Variants in ZC3H12B observed in about 807,000 individuals in gnomAD.
ZC3H12B encodes probable ribonuclease ZC3H12B.
Under a neutral mutation model 43.9 loss-of-function variants are expected in ZC3H12B, and 7 were observed. That is an observed-to-expected ratio of 0.16 (90% CI 0.09 to 0.30). The LOEUF is 0.30. ZC3H12B is among the 10% of genes least tolerant of loss of function. The probability of loss-of-function intolerance (pLI) is 1.00; values close to 1 mark genes in which losing one functional copy is unlikely to be tolerated. For missense variants in ZC3H12B, 475 were observed against 670.2 expected (o/e 0.71, Z 3.22); for synonymous variants, 222 against 241.7 (o/e 0.92, Z 0.76).
At chrX:65,376,048 G>A (rs2066341662) in intron 2 of ZC3H12B, among the ~76,000 whole-genome samples, 1 of 112,091 alleles carries the variant, frequency 8.9e-6, no homozygotes, top group Admixed American at 9.4e-5. Context: ...CGTGCCTTGG[G>A]CCAAAATGGA....
chrX:65,398,321 G>A (rs770069841), intron 2 of ZC3H12B, among the ~76,000 whole-genome samples: 425 of 111,859 alleles, frequency 3.8e-3, no homozygotes, highest in African/African-American at 0.013. Flanking sequence ...AAGCTATCCT[G>A]AGCAAAAAGA....
chrX:65,416,205 C>G (rs1207165212), intron 3 of ZC3H12B, among the ~76,000 whole-genome samples: 1 of 111,478 alleles, frequency 9.0e-6, no homozygotes, highest in East Asian at 2.8e-4. Context: ...GATTGAGACA[C>G]AGAAGATTAT....
At chrX:65,154,062 A>C in the ZC3H12B span, among the ~76,000 whole-genome samples, 4 of 110,474 alleles carry the variant, frequency 3.6e-5, no homozygotes, top group Admixed American at 3.9e-4. Context: ...GGGGAATATC[A>C]CACTCTGGGG....
At chrX:65,232,460 G>A in the ZC3H12B span, among the ~76,000 whole-genome samples, 1 of 111,724 alleles carries the variant, frequency 9.0e-6, no homozygotes, top group Non-Finnish European at 1.9e-5. Context: ...TGGAATTAAA[G>A]TGAAGGGTTT....
At chrX:65,193,887 A>T in the ZC3H12B span, among the ~76,000 whole-genome samples, 1 of 111,600 alleles carries the variant, frequency 9.0e-6, no homozygotes, top group South Asian at 3.8e-4. Context: ...TAATTGGCTC[A>T]TGGCTCCACA....
the ZC3H12B span, among the ~76,000 whole-genome samples, chrX:65,138,019 A>T: frequency 1.8e-5 from 2 of 111,523 alleles, no homozygotes; most frequent in South Asian, 7.5e-4. Context: ...TAGTAGAGAC[A>T]GAGTTTCACC....
the ZC3H12B span, among the ~76,000 whole-genome samples, chrX:65,238,404 T>C: frequency 8.9e-6 from 1 of 112,367 alleles, no homozygotes; most frequent in Non-Finnish European, 1.9e-5. Flanking sequence ...TGGTATTCTC[T>C]GATGGTTGTT....
At chrX:65,052,363 GTTA>G in the ZC3H12B span, among the ~76,000 whole-genome samples, 2 of 110,826 alleles carry the variant, frequency 1.8e-5, no homozygotes, top group South Asian at 3.8e-4. Flanking sequence ...GTACAATTAA[GTTA>G]TTATTGATTA....
chrX:65,267,738 AAC>A, the ZC3H12B span, among the ~76,000 whole-genome samples: 2 of 111,942 alleles, frequency 1.8e-5, no homozygotes, highest in African/African-American at 6.5e-5. Flanking sequence ...TGACAGTGGA[AAC>A]ACAACATATC....
chrX:65,489,128 A>T, exon 1 of ZC3H12B: 1 of 1,211,923 alleles, frequency 8.3e-7, no homozygotes, highest in Non-Finnish European at 1.1e-6. Flanking sequence ...AGGAATACCA[A>T]GCTAAGATGG....
intron 3 of ZC3H12B, among the ~76,000 whole-genome samples, chrX:65,452,018 T>G (rs2067521437): frequency 9.0e-6 from 1 of 111,520 alleles, no homozygotes; most frequent in Non-Finnish European, 1.9e-5. Flanking sequence ...GAAATGAGAT[T>G]TCAAAGTAAA....
the ZC3H12B span, among the ~76,000 whole-genome samples, chrX:65,102,707 C>T: frequency 1.8e-5 from 2 of 111,505 alleles, no homozygotes; most frequent in African/African-American, 6.5e-5. Flanking sequence ...TCAAGGAGAA[C>T]AAAAACCACT....
intron 3 of ZC3H12B, among the ~76,000 whole-genome samples, chrX:65,446,649 A>G (rs1174814058): frequency 9.0e-6 from 1 of 111,658 alleles, no homozygotes; most frequent in Non-Finnish European, 1.9e-5. Flanking sequence ...GTTCCAATAT[A>G]CAGTTGCATA....
At chrX:65,168,324 A>G in the ZC3H12B span, among the ~76,000 whole-genome samples, 1 of 111,430 alleles carries the variant, frequency 9.0e-6, no homozygotes, top group African/African-American at 3.3e-5. Flanking sequence ...TTCGGTTTAT[A>G]TGCTTGATTA....
chrX:65,249,685 G>A, the ZC3H12B span, among the ~76,000 whole-genome samples: 1 of 111,181 alleles, frequency 9.0e-6, no homozygotes, highest in Non-Finnish European at 1.9e-5. Flanking sequence ...AGCCATCCAC[G>A]AGCATGGGAT....
At chrX:65,404,478 C>A (rs1404085400) in intron 3 of ZC3H12B, among the ~76,000 whole-genome samples, 1 of 110,884 alleles carries the variant, frequency 9.0e-6, no homozygotes, top group Admixed American at 9.6e-5. Flanking sequence ...CCTATAAAGA[C>A]ACAAATAGAT....
chrX:65,480,307 GA>G (rs1050234533), intron 3 of ZC3H12B, among the ~76,000 whole-genome samples: 5 of 111,941 alleles, frequency 4.5e-5, no homozygotes, highest in Admixed American at 2.8e-4. Flanking sequence ...TCTACTGTGG[GA>G]AAAAAAGTGC....
the ZC3H12B span, among the ~76,000 whole-genome samples, chrX:65,124,230 G>T: frequency 9.0e-6 from 1 of 110,718 alleles, no homozygotes; most frequent in Non-Finnish European, 1.9e-5. Flanking sequence ...TGCCTTCTTT[G>T]TGTCTATTGA....
chrX:65,081,383 A>G, the ZC3H12B span, among the ~76,000 whole-genome samples: 8 of 111,492 alleles, frequency 7.2e-5, no homozygotes, highest in South Asian at 7.4e-4. Context: ...GGTTGCTTAC[A>G]TGAAACACAC....
Sources: allele counts gnomAD v4.1 joint callset (sites outside exome capture counted in the v4.1 genomes callset), GRCh38; gene constraint gnomAD v4.1.1; transcripts MANE v1.5; gene names NCBI Gene and HGNC (gene_info 2026-07-23, HGNC 2026-07-21).